ATP8A1: variants seen among roughly 807,000 people sequenced by gnomAD.
The protein encoded by ATP8A1 is ATPase phospholipid transporting 8A1, also known as phospholipid-transporting ATPase IA.
ATP8A1 carries 90 observed loss-of-function variants against 177.7 expected under a neutral mutation model. The observed-to-expected ratio is 0.51, with a 90% CI of 0.43 to 0.60. The LOEUF is 0.60. Ranked by LOEUF, ATP8A1 falls within the 20% of genes least tolerant of loss-of-function variation. The probability of loss-of-function intolerance (pLI) is 0.00; values close to 1 mark genes in which losing one functional copy is unlikely to be tolerated. For missense variants in ATP8A1, 1,072 were observed against 1,392.8 expected, an observed-to-expected ratio of 0.77 and a Z score of 3.67; for synonymous variants, 493 against 485.9, an observed-to-expected ratio of 1.01 and a Z score of -0.19.
intron 1 of ATP8A1, among the ~76,000 whole-genome samples, chr4:42,632,295 C>T (rs1477297915): frequency 1.3e-5 from 2 of 152,102 alleles, no homozygotes; most frequent in Non-Finnish European, 2.9e-5. Flanking sequence ...TTGAAATGAG[C>T]AAGGAAAAGA....
chr4:42,415,684 G>A (rs1235877777), intron 35 of ATP8A1, among the ~76,000 whole-genome samples: 1 of 152,106 alleles, frequency 6.6e-6, no homozygotes, highest in Non-Finnish European at 1.5e-5. Context: ...TTAATAACTG[G>A]AACTGATTCA....
intron 14 of ATP8A1, among the ~76,000 whole-genome samples, chr4:42,572,151 T>A (rs958781328): frequency 6.6e-6 from 1 of 151,084 alleles, no homozygotes; most frequent in Non-Finnish European, 1.5e-5. Flanking sequence ...TTTGTGTTAC[T>A]CTCTGGTTTT....
In ATP8A1 at chr4:42,601,332, G is replaced by A. The variant is rs78350136; in HGVS notation, c.410-814C>T. Among the ~76,000 whole-genome samples, 1,170 of 150,084 alleles carry A rather than the reference G, an allele frequency of 7.8e-3. 17 individuals carry two copies. The highest frequency in any genetic ancestry group is 0.027 in the African/African-American group (1,109 of 40,834). On this transcript the variant is annotated intron_variant, in intron 5 of 36. Transcript: ENST00000381668. ...ATTACAGGCGTGAGCCACCGCGCCT[G>A]GCCCTAAAAATCCAAATTTTCTATA... is the stretch of plus-strand genomic sequence containing the variant.
chr4:42,599,438 AC>A (rs1735029411), intron 6 of ATP8A1, among the ~76,000 whole-genome samples: 2 of 152,206 alleles, frequency 1.3e-5, no homozygotes, highest in African/African-American at 4.8e-5. Flanking sequence ...ATAAAACACA[AC>A]CAAGGTATTT....
At position 42,565,475 on chromosome 4, in the gene ATP8A1, A is replaced by C. The variant is rs548624934; in HGVS notation, c.1340+3686T>G. On this transcript the variant is annotated intron_variant, in intron 15 of 36. Coordinates refer to ENST00000381668, the MANE Select transcript of ATP8A1 (RefSeq NM_006095.2). ...AAATAAATAAGACCAGAGGATAGAA[A>C]ATACAGTGTAGTACTATCCACTGAT... is the stretch of plus-strand genomic sequence containing the variant. 2.0e-5 allele frequency among the ~76,000 whole-genome samples: 3 copies of C among 152,326 alleles called. No individual in the cohort carries two copies. The South Asian group carries it at 6.2e-4, about 32-fold the overall frequency.
In ATP8A1 at chr4:42,422,964, T is replaced by C. The variant is rs1577901298; in HGVS notation, c.3213-65A>G. 4 of 1,294,128 alleles carry C rather than the reference T, an allele frequency of 3.1e-6. No homozygotes were observed. The East Asian group carries it at 9.3e-5, about 30-fold the overall frequency. 80.2% of individuals were successfully genotyped at this position (1,294,128 alleles called of 1,614,324 possible). A position where few individuals can be genotyped will look rare whatever the true frequency, so the allele number is the denominator to read the frequency against. On this transcript the variant is annotated intron_variant, in intron 34 of 36. Transcript: ENST00000381668. ...TCTGTGAAGATTTTACAAAACTAGA[T>C]GTCTGGCTTATTATCACGCGGTTGA...
Position 42,581,172 on chromosome 4 carries a change from T to C in ATP8A1, c.834+449A>G, listed in dbSNP as rs373205425. Among the ~76,000 whole-genome samples, 112 of 152,148 alleles carry C rather than the reference T, an allele frequency of 7.4e-4. 3 individuals are homozygous for C. The South Asian group carries it at 0.016, about 22-fold the overall frequency. ...TTTTTGAGACGGAGTCTTGCTCTGT[T>C]GCCCAGGCTGGAGTACAGTGGCGCG... On this transcript the variant is annotated intron_variant, in intron 10 of 36. Coordinates refer to ENST00000381668, the MANE Select transcript of ATP8A1 (RefSeq NM_006095.2).
intron 22 of ATP8A1, among the ~76,000 whole-genome samples, chr4:42,514,956 C>G (rs1725381503): frequency 6.6e-6 from 1 of 152,154 alleles, no homozygotes; most frequent in African/African-American, 2.4e-5. Flanking sequence ...ACTTATGACA[C>G]AGTTATATTT....
At chr4:42,507,780 T>TAAAAAAAAAAAAAAAAAA in intron 22 of ATP8A1, among the ~76,000 whole-genome samples, 2 of 17,698 alleles carry the variant, frequency 1.1e-4, no homozygotes, top group Non-Finnish European at 1.0e-4. Context: ...ACAGGCATTC[T>TAAAAAAAAAAAAAAAAAA]AAAAAAAAAA....
At chr4:42,473,332 T>C (rs1720671412) in intron 25 of ATP8A1, among the ~76,000 whole-genome samples, 1 of 152,180 alleles carries the variant, frequency 6.6e-6, no homozygotes, top group Non-Finnish European at 1.5e-5. Flanking sequence ...GCCTATATGA[T>C]AGTAGTCCCT....
chr4:42,524,641 C>A, intron 21 of ATP8A1, 122 bp downstream of exon 21: 1 of 531,534 alleles, frequency 1.9e-6, no homozygotes. Context: ...ATCTAAATTG[C>A]CAACAGCTGA....
At chr4:42,437,214 T>C (rs1716094166) in intron 33 of ATP8A1, among the ~76,000 whole-genome samples, 1 of 152,238 alleles carries the variant, frequency 6.6e-6, no homozygotes, top group African/African-American at 2.4e-5. Context: ...AATCCTGATA[T>C]GAAACGATCC....
intron 22 of ATP8A1, among the ~76,000 whole-genome samples, chr4:42,507,881 T>C (rs1724614958): frequency 6.7e-6 from 1 of 148,378 alleles, no homozygotes; most frequent in South Asian, 2.1e-4. Context: ...ACAGTGAGGT[T>C]ACATGTTAAC....
intron 18 of ATP8A1, among the ~76,000 whole-genome samples, 154 bp downstream of exon 18, chr4:42,551,044 A>G (rs1729452883): frequency 1.3e-5 from 2 of 152,222 alleles, no homozygotes; most frequent in Non-Finnish European, 2.9e-5. Flanking sequence ...TGAGATGTAT[A>G]AATGCCTAAA....
At chr4:42,656,439 A>G (rs921450374) in intron 1 of ATP8A1, among the ~76,000 whole-genome samples, 16 of 151,696 alleles carry the variant, frequency 1.1e-4, no homozygotes, top group African/African-American at 3.9e-4. Flanking sequence ...CTTCGCTGGG[A>G]GCTCAGATAG....
chr4:42,445,404 T>G (rs1188509941), intron 31 of ATP8A1, among the ~76,000 whole-genome samples: 2 of 151,758 alleles, frequency 1.3e-5, no homozygotes, highest in African/African-American at 4.8e-5. Flanking sequence ...TTACAGAGAT[T>G]TTTTTTTTCT....
intron 6 of ATP8A1, among the ~76,000 whole-genome samples, chr4:42,596,030 C>G (rs1421402116): frequency 6.6e-6 from 1 of 152,196 alleles, no homozygotes; most frequent in Non-Finnish European, 1.5e-5. Context: ...GGGAACTTAA[C>G]TCCTTAGAAT....
intron 33 of ATP8A1, among the ~76,000 whole-genome samples, chr4:42,427,373 T>C (rs534700700): frequency 2.6e-5 from 4 of 152,222 alleles, no homozygotes; most frequent in Non-Finnish European, 5.9e-5. Context: ...GGAAAGGTAT[T>C]CATAAAAGCA....
intron 24 of ATP8A1, among the ~76,000 whole-genome samples, chr4:42,499,681 T>C (rs1723626824): frequency 6.6e-6 from 1 of 152,202 alleles, no homozygotes; most frequent in African/African-American, 2.4e-5. Context: ...AAATATAATA[T>C]GTTAGGTTGC....
Sources: allele counts gnomAD v4.1 joint callset (sites outside exome capture counted in the v4.1 genomes callset), GRCh38; gene constraint gnomAD v4.1.1; transcripts MANE v1.5; gene names NCBI Gene and HGNC (gene_info 2026-07-23, HGNC 2026-07-21).